CBLC: variants seen among roughly 807,000 people sequenced by gnomAD.
CBLC encodes the protein Cbl proto-oncogene C.
Under a neutral mutation model 58.6 loss-of-function variants are expected in CBLC, and 46 were observed. The ratio of observed to expected loss-of-function variants is 0.79; its 90% CI spans 0.62 to 1.00. The LOEUF (loss-of-function observed/expected upper bound fraction) is 1.00. Among genes scored for constraint, CBLC ranks in the 50% least tolerant of loss-of-function variants. CBLC has a pLI of 0.00. For synonymous variants in CBLC, 271 were observed against 264.2 expected (o/e 1.03, Z -0.25); for missense variants, 655 against 625.8 (o/e 1.05, Z -0.50).
rs773800624 is a variant in CBLC, at chr19:44,784,394, G to T, written c.910G>T (p.Asp304Tyr). The change falls in exon 5 of 11, where the codon GAC (aspartate) becomes TAC (tyrosine). Residue 304 changes from aspartate to tyrosine, a missense_variant. Asp to Tyr is a radical substitution (Grantham distance 160). Transcript: ENST00000647358. ...CCAGGTGCTCCTGGAGGGACAGAAG[G>T]ACGGCTTGTGAGTCTCCATTCTGGT... ...LSQVLLEGQK[D>Y]GFYLYPDGKT... The T allele has an allele frequency of 1.7e-5, 27 of 1,581,414 alleles. No homozygotes were observed. Among genetic ancestry groups the T allele is most frequent in the Non-Finnish European group, 2.2e-5 (25 of 1,154,652 alleles).
intron 9 of CBLC, among the ~76,000 whole-genome samples, chr19:44,797,645 C>G (rs994460783): frequency 7.0e-6 from 1 of 143,474 alleles, no homozygotes; most frequent in Non-Finnish European, 1.5e-5. Flanking sequence ...ATCCCAGCTA[C>G]TCAGGAGGCT....
At chr19:44,790,498 C>G (rs375485187) in intron 6 of CBLC, among the ~76,000 whole-genome samples, 1 of 151,998 alleles carries the variant, frequency 6.6e-6, no homozygotes, top group Non-Finnish European at 1.5e-5. Flanking sequence ...TGCAGTGGTG[C>G]GATCATGGCT....
At chr19:44,794,940 C>G (rs1056824870) in intron 9 of CBLC, among the ~76,000 whole-genome samples, 3 of 150,686 alleles carry the variant, frequency 2.0e-5, no homozygotes, top group East Asian at 4.0e-4. Flanking sequence ...GGTGGTGGCT[C>G]ATGCCTGCAA....
chr19:44,784,311 G>C lies in CBLC; in HGVS notation c.827G>C (p.Gly276Ala), dbSNP rs778549620. ...ACTCGCCTGGGGCAGTGGGCCATCG[G>C]CTATGTGAGCTCAGATGGCAGCATC... ...SCTRLGQWAI[G>A]YVSSDGSILQ... The change falls in exon 5 of 11, where the codon GGC (glycine) becomes GCC (alanine). Residue 276 changes from glycine (G) to alanine (A), a missense_variant. Around this residue, in one of 3 missense-constraint regions of CBLC, gnomAD observed 371 missense variants for 370.8 expected, o/e 1.00. Transcript: ENST00000647358. The C allele has an allele frequency of 2.5e-6, 4 of 1,599,482 alleles. No individual in the cohort carries two copies. The highest frequency in any genetic ancestry group is 3.4e-6 in the Non-Finnish European group (4 of 1,168,390).
chr19:44,790,100 CG>C lies in CBLC; in HGVS notation c.1005+10del, dbSNP rs1968008638. 15 of 1,607,762 alleles carry C rather than the reference CG, an allele frequency of 9.3e-6. No homozygotes were observed. The highest frequency in any genetic ancestry group is 1.3e-5 in the Non-Finnish European group (15 of 1,174,194). On this transcript the variant is annotated intron_variant, in intron 6 of 10. Transcript: ENST00000647358. ...GCATCCACGTGTCAGAGGTGAGACC[CG>C]CACCTGCACCCGCAGTCCCAGTTCC...
At chr19:44,788,420 C>T (rs1967965792) in intron 5 of CBLC, among the ~76,000 whole-genome samples, 1 of 151,604 alleles carries the variant, frequency 6.6e-6, no homozygotes, top group Non-Finnish European at 1.5e-5. Context: ...CCACTGCTCC[C>T]AGCCAGGGCT....
chr19:44,781,342 C>T lies in CBLC; in HGVS notation c.636C>T (p.Asp212=), dbSNP rs771786907. Residue 212 remains aspartate, a synonymous_variant, in exon 3 of 11, where the codon GAC becomes GAT. Coordinates refer to ENST00000647358, the MANE Select transcript of CBLC (RefSeq NM_012116.4). ...CSGHVSIFEF[D]VFTRLFQPWP... ...GGCACGTGTCCATCTTCGAGTTCGA[C>T]GTCTTCACCAGGCTCTTTCAGGTCA... 32 of 1,610,778 alleles carry T rather than the reference C, an allele frequency of 2.0e-5. No individual in the cohort carries two copies. In the Admixed American group the frequency reaches 2.3e-4, roughly 12 times the overall value.
chr19:44,784,459 G>A, intron 5 of CBLC, 58 bp downstream of exon 5: 1 of 1,497,398 alleles, frequency 6.7e-7, no homozygotes, highest in Middle Eastern at 1.8e-4. Flanking sequence ...GAAAGATCTT[G>A]CATGTTGTGC....
intron 9 of CBLC, among the ~76,000 whole-genome samples, chr19:44,795,345 A>G (rs568821130): frequency 6.6e-6 from 1 of 151,080 alleles, no homozygotes; most frequent in East Asian, 2.0e-4. Flanking sequence ...ACAAGACCCC[A>G]ACACTACAAA....
intron 9 of CBLC, among the ~76,000 whole-genome samples, chr19:44,799,817 C>T (rs557770016): frequency 1.7e-5 from 2 of 120,960 alleles, no homozygotes; most frequent in East Asian, 2.3e-4. Flanking sequence ...AAGGAGAGAG[C>T]GAGAGAGAAA....
chr19:44,800,303 A>C (rs941693771), intron 9 of CBLC, 78 bp from the exon 10 acceptor site: 28 of 1,048,618 alleles, frequency 2.7e-5, no homozygotes, highest in Non-Finnish European at 4.0e-5. Flanking sequence ...GTCTAAGACA[A>C]AGGGGACAGG....
chr19:44,794,106 G>T, intron 8 of CBLC, 98 bp from the exon 9 acceptor site: 2 of 1,527,916 alleles, frequency 1.3e-6, no homozygotes, highest in Non-Finnish European at 1.8e-6. Flanking sequence ...CTTGAGTCTA[G>T]AACAGTGCCT....
chr19:44,787,962 AG>A (rs1335978269), intron 5 of CBLC, among the ~76,000 whole-genome samples: 8 of 151,854 alleles, frequency 5.3e-5, no homozygotes, highest in African/African-American at 9.7e-5. Context: ...AGAGAAAAAA[AG>A]AAAAAAAAAA....
intron 5 of CBLC, among the ~76,000 whole-genome samples, chr19:44,788,566 G>C (rs1599866459): frequency 6.9e-6 from 1 of 144,670 alleles, no homozygotes; most frequent in Admixed American, 7.3e-5. Context: ...TACAATCTCT[G>C]CCTCCTGGGT....
At chr19:44,784,510 A>G in intron 5 of CBLC, 109 bp downstream of exon 5, 4 of 1,088,778 alleles carry the variant, frequency 3.7e-6, no homozygotes, top group South Asian at 3.7e-5. Flanking sequence ...AACCATTCAC[A>G]TAGGGGACAT....
upstream of CBLC, chr19:44,777,875 G>C: frequency 7.0e-7 from 1 of 1,427,002 alleles, no homozygotes. Flanking sequence ...TTTCACTCTG[G>C]GCGAGGCCGC....
chr19:44,782,636 G>T, intron 4 of CBLC, 145 bp downstream of exon 4: 1 of 642,004 alleles, frequency 1.6e-6, no homozygotes, highest in East Asian at 2.8e-5. Flanking sequence ...TCAGAGGCAG[G>T]ACACTGAGTG....
chr19:44,780,976 G>T lies in CBLC; in HGVS notation c.425G>T (p.Gly142Val), dbSNP rs747887583. 2 of 1,613,608 alleles carry T rather than the reference G, an allele frequency of 1.2e-6. No individual in the cohort carries two copies. Among genetic ancestry groups the T allele is most frequent in the South Asian group, 2.2e-5 (2 of 91,088 alleles). ...GAGCTGCACGCACTCTTCCCCGGGGGAAAGTACTGTGGACACATGTACCAG... is the reference window on the plus strand; with the variant it reads ...GAGCTGCACGCACTCTTCCCCGGGGTAAAGTACTGTGGACACATGTACCAG... ...HAELHALFPG[G>V]KYCGHMYQLT... Residue 142 changes from glycine to valine, a missense_variant, in exon 2 of 11, where the codon GGA becomes GTA. Transcript: ENST00000647358.
chr19:44,790,242 C>A (rs191692072), intron 6 of CBLC, 151 bp downstream of exon 6: 2 of 637,646 alleles, frequency 3.1e-6, no homozygotes, highest in East Asian at 5.5e-5. Flanking sequence ...AGTTATTCTT[C>A]CGGAAAATAC....
Sources: allele counts gnomAD v4.1 joint callset (sites outside exome capture counted in the v4.1 genomes callset), GRCh38; gene constraint gnomAD v4.1.1; regional missense constraint gnomAD v4.1.1; transcripts MANE v1.5; gene names NCBI Gene and HGNC (gene_info 2026-07-23, HGNC 2026-07-21).